MFN1: variants seen among roughly 807,000 people sequenced by gnomAD.
MFN1 encodes mitofusin 1, also known as mitofusin-1.
A neutral mutation model predicts 92.4 loss-of-function variants in MFN1; 65 were observed. The observed-to-expected ratio is 0.70, with a 90% CI of 0.58 to 0.86. The LOEUF (loss-of-function observed/expected upper bound fraction) is 0.86. Among genes scored for constraint, MFN1 ranks in the 40% least tolerant of loss-of-function variants. The pLI is 0.00. For synonymous variants in MFN1, 297 were observed against 300.9 expected (o/e 0.99, Z 0.13); for missense variants, 781 against 868.0 (o/e 0.90, Z 1.26).
At chr3:179,374,510 A>G (rs541292615) in intron 9 of MFN1, among the ~76,000 whole-genome samples, 10 of 151,578 alleles carry the variant, frequency 6.6e-5, no homozygotes, top group Non-Finnish European at 1.5e-4. Flanking sequence ...TATTTAAATA[A>G]ACACTGGTTA....
Position 179,377,373 on chromosome 3 carries a change from T to G in MFN1, c.1254T>G (p.Cys418Trp), listed in dbSNP as rs777649601. The G allele has an allele frequency of 1.1e-5, 18 of 1,609,600 alleles. No individual in the cohort carries two copies. The highest frequency in any genetic ancestry group is 1.4e-5 in the Non-Finnish European group (17 of 1,178,484). Residue 418 changes from cysteine to tryptophan, a missense_variant, in exon 12 of 18, where the codon TGT (cysteine) becomes TGG (tryptophan). Cys to Trp is a radical substitution (Grantham distance 215). Transcript: ENST00000471841. ...CATGTGCAATGACAGATGAAATTTGTCGACTGTCTGTTTTGGTTGATGAAT... is the reference window on the plus strand; with the variant it reads ...CATGTGCAATGACAGATGAAATTTGGCGACTGTCTGTTTTGGTTGATGAAT... ...KVSCAMTDEI[C>W]RLSVLVDEFC...
chr3:179,377,777 C>CAGTT (rs972548458), intron 12 of MFN1, among the ~76,000 whole-genome samples: 2 of 152,016 alleles, frequency 1.3e-5, no homozygotes, highest in Admixed American at 1.3e-4. Context: ...CTACAAAAAA[C>CAGTT]AGTTAGGCTG....
Position 179,362,377 on chromosome 3 carries a change from A to T in MFN1, c.431A>T (p.His144Leu), listed in dbSNP as rs371803267. The T allele has an allele frequency of 6.2e-7, 1 of 1,611,932 alleles. No homozygotes were observed. Among genetic ancestry groups the T allele is most frequent in the Non-Finnish European group, 8.5e-7 (1 of 1,179,570 alleles). Residue 144 changes from histidine (H) to leucine (L), a missense_variant, in exon 5 of 18, where the codon CAT becomes CTT. Coordinates refer to ENST00000471841, the MANE Select transcript of MFN1 (RefSeq NM_033540.3). ...KSVKTVNQLA[H>L]ALHMDKDLKA... ...CTTTAGACAGTTAATCAACTGGCCC[A>T]TGCCCTTCACATGGACAAAGATTTG...
At chr3:179,349,730 G>A (rs1303023484) in intron 2 of MFN1, among the ~76,000 whole-genome samples, 3 of 151,904 alleles carry the variant, frequency 2.0e-5, no homozygotes, top group Non-Finnish European at 2.9e-5. Flanking sequence ...GGCTGGTCTC[G>A]AACTCCTGAC....
chr3:179,382,344 A>G (rs1346232543), intron 14 of MFN1, among the ~76,000 whole-genome samples: 1 of 152,162 alleles, frequency 6.6e-6, no homozygotes, highest in African/African-American at 2.4e-5. Context: ...TCCTTGCAAT[A>G]GTTTGCTGAG....
At chr3:179,391,159 T>A (rs1321021290) in intron 17 of MFN1, among the ~76,000 whole-genome samples, 2 of 152,192 alleles carry the variant, frequency 1.3e-5, no homozygotes, top group African/African-American at 4.8e-5. Flanking sequence ...TAAGTTTTTA[T>A]GGTTTTTTGG....
intron 7 of MFN1, among the ~76,000 whole-genome samples, chr3:179,365,769 T>C (rs1332889339): frequency 1.3e-5 from 2 of 152,250 alleles, no homozygotes; most frequent in East Asian, 1.9e-4. Flanking sequence ...AACAGAATTA[T>C]ATAATACCTG....
At chr3:179,372,436 T>C (rs1439187670) in intron 9 of MFN1, among the ~76,000 whole-genome samples, 2 of 152,042 alleles carry the variant, frequency 1.3e-5, no homozygotes, top group Non-Finnish European at 2.9e-5. Context: ...ATTATATATG[T>C]TCCCCATAGA....
At chr3:179,376,994 A>G in intron 10 of MFN1, 48 bp from the exon 11 acceptor site, 1 of 1,592,916 alleles carries the variant, frequency 6.3e-7, no homozygotes, top group South Asian at 1.1e-5. Context: ...GAAATGCTTT[A>G]GGACTTCAGA....
chr3:179,378,429 A>C lies in MFN1; in HGVS notation c.1418A>C (p.Gln473Pro). The change falls in exon 13 of 18, where the codon CAG becomes CCG. Residue 473 changes from glutamine (Q) to proline (P), a missense_variant. Gln to Pro is a moderately conservative substitution (Grantham distance 76, BLOSUM62 -1). Coordinates refer to ENST00000471841, the MANE Select transcript of MFN1 (RefSeq NM_033540.3). ...GTAAACGCCTTAGTGCTTCAGACCC[A>C]GCAAGAAATTATTGGTAATATTTAT... ...DEVNALVLQT[Q>P]QEIIENLKPL... 6.3e-7 allele frequency: 1 copy of C among 1,593,850 alleles called. No homozygotes were observed. Among genetic ancestry groups the C allele is most frequent in the Non-Finnish European group, 8.5e-7 (1 of 1,174,472 alleles).
At chr3:179,352,099 A>G in intron 3 of MFN1, 64 bp downstream of exon 3, 1 of 1,489,814 alleles carries the variant, frequency 6.7e-7, no homozygotes. Flanking sequence ...TGATGTTTCA[A>G]CAAGTAATAT....
chr3:179,367,538 G>A lies in MFN1; in HGVS notation c.853G>A (p.Ala285Thr), dbSNP rs1712843498. Residue 285 changes from alanine (A) to threonine (T), a missense_variant, in exon 8 of 18, where the codon GCA becomes ACA. Coordinates refer to ENST00000471841, the MANE Select transcript of MFN1 (RefSeq NM_033540.3). ...ACAGAATCGTATCTTCTTTGTTTCA[G>A]CAAAGGAAGTTCTTAGTGCTAGAAA... ...EAQNRIFFVSAKEVLSARKQK... is the reference protein window; with the variant it reads ...EAQNRIFFVSTKEVLSARKQK... 1.9e-5 allele frequency: 31 copies of A among 1,613,492 alleles called. No homozygotes were observed. The highest frequency in any genetic ancestry group is 2.5e-5 in the Non-Finnish European group (30 of 1,179,804).
intron 3 of MFN1, among the ~76,000 whole-genome samples, chr3:179,353,417 AG>A (rs1712232454): frequency 6.6e-6 from 1 of 151,742 alleles, no homozygotes; most frequent in South Asian, 2.1e-4. Flanking sequence ...CATGTTGGCC[AG>A]GCTGGTCTCA....
intron 6 of MFN1, 21 bp from the exon 7 acceptor site, chr3:179,365,096 TG>T: frequency 7.6e-7 from 1 of 1,315,488 alleles, no homozygotes; most frequent in South Asian, 1.4e-5. Flanking sequence ...GAATGTACTG[TG>T]GGGTTTTTTT....
rs1426599250 is a variant in MFN1 at position 179,368,115 on chromosome 3, G to T, written c.975+12G>T. ...AACAAATCTTTGAGGTAGGAATTTT[G>T]TGATTGTATTGCCTAATACAAAACT... On this transcript the variant is annotated intron_variant, in intron 9 of 17. Transcript: ENST00000471841. The T allele has an allele frequency of 6.4e-6, 10 of 1,551,082 alleles. No individual in the cohort carries two copies. The African/African-American group carries it at 1.1e-4, about 17-fold the overall frequency.
chr3:179,358,949 G>A lies in MFN1; in HGVS notation c.358G>A (p.Gly120Arg), dbSNP rs1342345946. ...NCFLSVEGTD[G>R]DKAYLMTEGS... ...CTTCCTAAGTGTTGAAGGAACTGAT[G>A]GAGATAAAGCCTATCTTATGACAGA... is the stretch of plus-strand genomic sequence containing the variant. Residue 120 changes from glycine to arginine, a missense_variant, in exon 4 of 18, where the codon GGA becomes AGA. Gly to Arg is a moderately radical substitution (Grantham distance 125). Transcript: ENST00000471841. 1.5e-5 allele frequency: 25 copies of A among 1,613,970 alleles called. No homozygotes were observed. The highest frequency in any genetic ancestry group is 1.5e-5 in the Non-Finnish European group (18 of 1,179,952).
chr3:179,391,926 A>ATT, intron 17 of MFN1, 55 bp from the exon 18 acceptor site: 1 of 1,143,400 alleles, frequency 8.7e-7, no homozygotes, highest in South Asian at 1.3e-5. Context: ...GATGGAATGC[A>ATT]TTTTTCTCCT....
At position 179,365,377 on chromosome 3, in the gene MFN1, A is replaced by C. The variant is rs1712747522; in HGVS notation, c.753+152A>C. 5 of 506,014 alleles carry C rather than the reference A, an allele frequency of 9.9e-6. No homozygotes were observed. The South Asian group carries it at 2.0e-4, about 20-fold the overall frequency. The allele number at this position is 506,014 out of a possible 1,614,324, so 31.3% of individuals were successfully genotyped here. A position where few individuals can be genotyped will look rare whatever the true frequency, so the allele number is the denominator to read the frequency against. On this transcript the variant is annotated intron_variant, in intron 7 of 17. Transcript: ENST00000471841. Reference sequence around the variant, plus strand: ...AAAACCTGAAGTAGGTATGTGATAAAGACCAAAGTCTGAAGTTACTTTGAG... The same window carrying C: ...AAAACCTGAAGTAGGTATGTGATAACGACCAAAGTCTGAAGTTACTTTGAG...
intron 14 of MFN1, among the ~76,000 whole-genome samples, chr3:179,379,771 A>G (rs937553673): frequency 1.3e-5 from 2 of 152,228 alleles, no homozygotes; most frequent in Admixed American, 6.5e-5. Flanking sequence ...AAACTGGACA[A>G]TAATGTAAGT....
Sources: gnomAD v4.1 joint callset for allele counts (sites outside exome capture counted in the v4.1 genomes callset) on GRCh38, gnomAD v4.1.1 for gene constraint, MANE v1.5 for transcripts, NCBI Gene and HGNC (gene_info 2026-07-23, HGNC 2026-07-21) for gene names.